SPIDR: variants seen among roughly 807,000 people sequenced by gnomAD.
The protein encoded by SPIDR is scaffold protein involved in DNA repair.
In SPIDR, 93 loss-of-function variants were observed where a neutral mutation model predicts 104.6. The ratio of observed to expected loss-of-function variants is 0.89; its 90% confidence interval spans 0.75 to 1.06. SPIDR has a LOEUF of 1.06. Among genes scored for constraint, SPIDR ranks in the 50% least tolerant of loss-of-function variants. SPIDR has a pLI of 0.00. For synonymous variants in SPIDR, 431 were observed against 416.9 expected (o/e 1.03, Z -0.41); for missense variants, 1,154 against 1,111.2 (o/e 1.04, Z -0.55).
intron 8 of SPIDR, among the ~76,000 whole-genome samples, chr8:47,494,523 T>A (rs557511866): frequency 6.6e-6 from 1 of 152,328 alleles, no homozygotes; most frequent in East Asian, 1.9e-4. Context: ...TACTTTCAGA[T>A]TTCATATTGA....
At chr8:47,371,092 G>A (rs989869391) in intron 5 of SPIDR, among the ~76,000 whole-genome samples, 1 of 145,458 alleles carries the variant, frequency 6.9e-6, no homozygotes, top group African/African-American at 2.6e-5. Context: ...CAGTGGGACT[G>A]TTGATCACTT....
At chr8:47,540,669 T>C (rs1277394755) in intron 8 of SPIDR, among the ~76,000 whole-genome samples, 2 of 152,178 alleles carry the variant, frequency 1.3e-5, no homozygotes, top group Non-Finnish European at 2.9e-5. Context: ...TACCACCCTC[T>C]GTGGTCATTT....
chr8:47,700,020 G>A (rs1257539836), intron 11 of SPIDR, among the ~76,000 whole-genome samples: 1 of 152,146 alleles, frequency 6.6e-6, no homozygotes, highest in African/African-American at 2.4e-5. Context: ...ATATATAGAT[G>A]CATGCATAGA....
chr8:47,550,366 A>C (rs2090243658), intron 8 of SPIDR, among the ~76,000 whole-genome samples: 1 of 152,078 alleles, frequency 6.6e-6, no homozygotes, highest in Admixed American at 6.5e-5. Flanking sequence ...CAGTATGGCC[A>C]TTTTCACGAT....
At chr8:47,581,579 A>T (rs180983698) in intron 8 of SPIDR, among the ~76,000 whole-genome samples, 1 of 152,184 alleles carries the variant, frequency 6.6e-6, no homozygotes, top group Non-Finnish European at 1.5e-5. Flanking sequence ...CAGAAGATGC[A>T]TCTACCATCC....
At chr8:47,354,371 T>G (rs1733571636) in intron 5 of SPIDR, among the ~76,000 whole-genome samples, 1 of 152,014 alleles carries the variant, frequency 6.6e-6, no homozygotes. Context: ...GAAGTGCATT[T>G]TTTTGCATTA....
At chr8:47,720,177 TC>T (rs1333732793) in intron 16 of SPIDR, among the ~76,000 whole-genome samples, 3 of 152,270 alleles carry the variant, frequency 2.0e-5, no homozygotes, top group African/African-American at 7.2e-5. Flanking sequence ...CCACATCTTT[TC>T]ATGGCTTGAT....
chr8:47,680,098 C>A (rs59697260), intron 11 of SPIDR, among the ~76,000 whole-genome samples: 7,181 of 152,226 alleles, frequency 0.047, 575 homozygotes, highest in African/African-American at 0.16. Flanking sequence ...CCATGTGCCT[C>A]TGGACACAGA....
chr8:47,489,271 A>C (rs1158334097), intron 8 of SPIDR, among the ~76,000 whole-genome samples: 1 of 152,190 alleles, frequency 6.6e-6, no homozygotes, highest in Non-Finnish European at 1.5e-5. Context: ...AAAAGAATAA[A>C]ATACCTGGGA....
intron 11 of SPIDR, among the ~76,000 whole-genome samples, chr8:47,681,878 G>T (rs1355043838): frequency 6.6e-6 from 1 of 152,182 alleles, no homozygotes; most frequent in Non-Finnish European, 1.5e-5. Flanking sequence ...AAAGGAGTGT[G>T]TAGAAATACA....
intron 10 of SPIDR, among the ~76,000 whole-genome samples, chr8:47,620,880 AGT>A (rs2065059278): frequency 6.6e-6 from 1 of 150,872 alleles, no homozygotes; most frequent in Non-Finnish European, 1.5e-5. Context: ...GGCCTCCCAA[AGT>A]GCTGTGATTA....
At chr8:47,414,229 G>C (rs2063914161) in intron 7 of SPIDR, among the ~76,000 whole-genome samples, 1 of 152,118 alleles carries the variant, frequency 6.6e-6, no homozygotes, top group Non-Finnish European at 1.5e-5. Flanking sequence ...TGTCATCCCG[G>C]TTACTCACTA....
chr8:47,612,915 G>A (rs983348284), intron 10 of SPIDR, among the ~76,000 whole-genome samples: 13 of 152,342 alleles, frequency 8.5e-5, no homozygotes, highest in African/African-American at 3.1e-4. Context: ...GGAAATGGAT[G>A]CTATGCGGCA....
At chr8:47,261,291 T>G (rs1418530981) in intron 1 of SPIDR, among the ~76,000 whole-genome samples, 2 of 152,218 alleles carry the variant, frequency 1.3e-5, no homozygotes, top group Admixed American at 1.3e-4. Flanking sequence ...TCGGGGGTAC[T>G]TGGCCTTACT....
intron 8 of SPIDR, among the ~76,000 whole-genome samples, chr8:47,503,270 C>CT (rs1305388902): frequency 5.3e-5 from 8 of 152,138 alleles, no homozygotes; most frequent in African/African-American, 1.7e-4. Flanking sequence ...GTGTGGGAGT[C>CT]TAAGTCTCTC....
Position 47,701,831 on chromosome 8 carries a change from T to G in SPIDR, c.1884T>G (p.Pro628=), listed in dbSNP as rs1184571351. The G allele has an allele frequency of 6.2e-7, 1 of 1,614,078 alleles. No individual in the cohort carries two copies. Among genetic ancestry groups the G allele is most frequent in the Non-Finnish European group, 8.5e-7 (1 of 1,180,042 alleles). The change falls in exon 13 of 20, where the codon CCT becomes CCG. Residue 628 remains proline (P), a synonymous_variant. Transcript: ENST00000297423. ...DEDPIYKLYQ[P]PVTRCLRDIL... The stretch of plus-strand genomic sequence containing the variant: ...ACCCCATTTATAAGCTTTACCAGCC[T>G]CCAGTTACCCGCTGCTTAAGAGACA...
chr8:47,326,152 G>C (rs544115158), intron 5 of SPIDR, among the ~76,000 whole-genome samples: 3 of 152,062 alleles, frequency 2.0e-5, no homozygotes, highest in Non-Finnish European at 4.4e-5. Context: ...ATGCCACCAC[G>C]TCCTGCTCGT....
chr8:47,288,050 A>G (rs1422937117), intron 3 of SPIDR, among the ~76,000 whole-genome samples: 1 of 152,202 alleles, frequency 6.6e-6, no homozygotes, highest in African/African-American at 2.4e-5. Flanking sequence ...TACATAATTT[A>G]TGTTCCTCTG....
At chr8:47,686,643 A>C (rs1458433235) in intron 11 of SPIDR, among the ~76,000 whole-genome samples, 2 of 152,198 alleles carry the variant, frequency 1.3e-5, no homozygotes, top group East Asian at 3.8e-4. Flanking sequence ...AGACAGGTGC[A>C]CCAAATTCCA....
Sources: gnomAD v4.1 joint callset for allele counts (sites outside exome capture counted in the v4.1 genomes callset) on GRCh38, gnomAD v4.1.1 for gene constraint, MANE v1.5 for transcripts, NCBI Gene and HGNC (gene_info 2026-07-23, HGNC 2026-07-21) for gene names.